TMX3: variants seen among roughly 807,000 people sequenced by gnomAD.
The protein encoded by TMX3 is thioredoxin related transmembrane protein 3.
A neutral mutation model predicts 64.4 loss-of-function variants in TMX3; 40 were observed. The observed-to-expected ratio is 0.62, with a 90% confidence interval of 0.48 to 0.81. TMX3 has a LOEUF of 0.81. Ranked by LOEUF, TMX3 falls within the 30% of genes least tolerant of loss-of-function variation. TMX3 has a pLI of 0.00. For synonymous variants in TMX3, 189 were observed against 175.7 expected (o/e 1.08, Z -0.60); for missense variants, 497 against 534.5 (o/e 0.93, Z 0.69).
chr18:68,701,079 C>T lies in TMX3; in HGVS notation c.312-594G>A, dbSNP rs543898713. 4.5e-5 allele frequency: 42 copies of T among 932,434 alleles called. No homozygotes were observed. In the South Asian group the frequency reaches 1.5e-3, roughly 33 times the overall value. 57.8% of individuals were successfully genotyped at this position (932,434 alleles called of 1,614,324 possible). The stretch of plus-strand genomic sequence containing the variant: ...ATACCTACAATTAAACAGAAGGAAA[C>T]GAAAGGATGATTTACTTAACACAAA... On this transcript the variant is annotated intron_variant, in intron 5 of 15. Transcript: ENST00000299608.
At chr18:68,692,472 G>T (rs1914619050) in intron 8 of TMX3, among the ~76,000 whole-genome samples, 1 of 151,990 alleles carries the variant, frequency 6.6e-6, no homozygotes, top group Non-Finnish European at 1.5e-5. Context: ...GTCAGAAATT[G>T]TCTGAATTCA....
At chr18:68,677,694 T>C (rs1415116741) in intron 15 of TMX3, among the ~76,000 whole-genome samples, 1 of 152,186 alleles carries the variant, frequency 6.6e-6, no homozygotes, top group African/African-American at 2.4e-5. Flanking sequence ...ATTTACATAC[T>C]GTCTTCATAG....
chr18:68,695,140 C>T (rs1568190087), intron 8 of TMX3, among the ~76,000 whole-genome samples: 2 of 152,130 alleles, frequency 1.3e-5, no homozygotes, highest in South Asian at 2.1e-4. Flanking sequence ...AGGTTTTTCT[C>T]CCCATTACTC....
At chr18:68,682,111 T>A (rs981111795) in intron 13 of TMX3, among the ~76,000 whole-genome samples, 1 of 152,198 alleles carries the variant, frequency 6.6e-6, no homozygotes, top group Admixed American at 6.5e-5. Context: ...CTGTCCTACA[T>A]AGATCTTTTC....
intron 9 of TMX3, chr18:68,688,748 GCTAAAAGCAAATTTT>G (rs1336101145): frequency 3.9e-5 from 6 of 152,146 alleles, no homozygotes; most frequent in African/African-American, 1.4e-4. Flanking sequence ...TCCACTGCAT[GCTAAAAGCAAATTTT>G]CTACGAGATT....
rs1209189141 is a variant in TMX3 at position 68,697,955 on chromosome 18, C to T, written c.469G>A (p.Val157Ile). The change falls in exon 7 of 16, where the codon GTA becomes ATA. Residue 157 changes from valine to isoleucine, a missense_variant. By Grantham distance (29) the Val-to-Ile change is conservative. This residue lies in a region of TMX3 where 360 missense variants were observed against 383.5 expected (regional missense o/e 0.94). Coordinates refer to ENST00000299608, the MANE Select transcript of TMX3 (RefSeq NM_019022.5). ...QKRHRVFFVY[V>I]GGESPLKEKY... is the part of the protein sequence containing the mutation. ...ACTTTCAAAGGTGATTCTCCACCTA[C>T]ATAAACGAAAAATACACGGTGTCTC... The T allele has an allele frequency of 6.2e-7, 1 of 1,611,688 alleles. No individual in the cohort carries two copies. The highest frequency in any genetic ancestry group is 1.1e-5 in the South Asian group (1 of 90,784).
intron 8 of TMX3, among the ~76,000 whole-genome samples, chr18:68,693,723 G>A (rs1244848589): frequency 2.6e-5 from 4 of 152,094 alleles, no homozygotes; most frequent in Non-Finnish European, 5.9e-5. Context: ...AGTCAGACAG[G>A]TTCCTAGGCA....
chr18:68,682,832 A>AT, intron 13 of TMX3, 93 bp downstream of exon 13: 1 of 1,057,844 alleles, frequency 9.5e-7, no homozygotes, highest in Non-Finnish European at 1.4e-6. Flanking sequence ...ACTGTTTGCT[A>AT]TTTTTCAGCT....
At chr18:68,708,055 GTGTA>G in intron 4 of TMX3, among the ~76,000 whole-genome samples, 2 of 150,344 alleles carry the variant, frequency 1.3e-5, no homozygotes, top group African/African-American at 4.9e-5. Flanking sequence ...GTATATATAT[GTGTA>G]TATATATGTG....
At chr18:68,687,946 A>G (rs1914124325) in intron 9 of TMX3, 181 bp from the exon 10 acceptor site, 2 of 385,386 alleles carry the variant, frequency 5.2e-6, no homozygotes, top group Non-Finnish European at 9.2e-6. Context: ...GCACAAAGCA[A>G]TCTTCATTAT....
intron 9 of TMX3, chr18:68,689,630 G>C (rs1482636140): frequency 1.3e-5 from 2 of 152,088 alleles, no homozygotes; most frequent in African/African-American, 4.8e-5. Flanking sequence ...ATTATATGAG[G>C]AGTACTGCAA....
At chr18:68,696,053 TA>T (rs1387896631) in intron 8 of TMX3, among the ~76,000 whole-genome samples, 1 of 152,210 alleles carries the variant, frequency 6.6e-6, no homozygotes, top group South Asian at 2.1e-4. Flanking sequence ...TCATATCACG[TA>T]AAAGTCTCAG....
Position 68,702,175 on chromosome 18 carries a change from C to CAAAAAAAA in TMX3, c.266-393_266-386dup, listed in dbSNP as rs375234012. Among the ~76,000 whole-genome samples, 32 of 44,060 alleles carry CAAAAAAAA rather than the reference C, an allele frequency of 7.3e-4. 8 individuals carry two copies. The highest frequency in any genetic ancestry group is 2.4e-3 in the African/African-American group (32 of 13,210). 28.9% of individuals were successfully genotyped at this position (44,060 alleles called of 152,430 possible). Reference sequence around the variant, plus strand: ...TCTTCTAGGTCTCATTTACTCCTCTCAAAAAAAAAAAAAAAAAAAAAAAAA... The same window carrying CAAAAAAAA: ...TCTTCTAGGTCTCATTTACTCCTCTCAAAAAAAAAAAAAAAAAAAAAAAAAAAAAAAAA... On this transcript the variant is annotated intron_variant, in intron 4 of 15. Coordinates refer to ENST00000299608, the MANE Select transcript of TMX3 (RefSeq NM_019022.5).
chr18:68,693,533 G>T (rs899841915), intron 8 of TMX3, among the ~76,000 whole-genome samples: 1 of 152,064 alleles, frequency 6.6e-6, no homozygotes, highest in African/African-American at 2.4e-5. Context: ...TTGTGGCCGA[G>T]CCTGAGTGTT....
At chr18:68,696,234 C>T (rs563523143) in intron 8 of TMX3, among the ~76,000 whole-genome samples, 66 of 151,938 alleles carry the variant, frequency 4.3e-4, no homozygotes, top group Non-Finnish European at 2.2e-4. Flanking sequence ...AGTACAGTGG[C>T]GCCATCTTGG....
intron 8 of TMX3, among the ~76,000 whole-genome samples, chr18:68,693,293 G>A (rs1914707358): frequency 1.3e-5 from 2 of 152,150 alleles, no homozygotes; most frequent in Non-Finnish European, 2.9e-5. Context: ...GCGGGGGCCG[G>A]GAACAAGCGG....
At chr18:68,714,034 GC>G (rs1284595449) in intron 1 of TMX3, 134 bp from the exon 2 acceptor site, 2 of 450,342 alleles carry the variant, frequency 4.4e-6, no homozygotes, top group East Asian at 7.0e-5. Flanking sequence ...ATCCCAGGGT[GC>G]AAATGATGCA....
At chr18:68,702,038 A>G (rs1439565810) in intron 4 of TMX3, among the ~76,000 whole-genome samples, 1 of 151,602 alleles carries the variant, frequency 6.6e-6, no homozygotes, top group Non-Finnish European at 1.5e-5. Context: ...GCACGTCAAA[A>G]GAATAGTTAA....
chr18:68,698,652 A>G (rs557072160), intron 6 of TMX3, among the ~76,000 whole-genome samples: 41 of 152,290 alleles, frequency 2.7e-4, no homozygotes, highest in African/African-American at 9.9e-4. Context: ...AGCATTTTTC[A>G]AAGCAAATAG....
Sources: allele counts gnomAD v4.1 joint callset (sites outside exome capture counted in the v4.1 genomes callset), GRCh38; gene constraint gnomAD v4.1.1; regional missense constraint gnomAD v4.1.1; transcripts MANE v1.5; gene names NCBI Gene and HGNC (gene_info 2026-07-23, HGNC 2026-07-21).